The following PRORP variants were observed in gnomAD, a reference collection of about 807,000 sequenced individuals.
PRORP encodes protein only RNase P catalytic subunit.
PRORP carries 51 observed loss-of-function variants against 59.4 expected under a neutral mutation model. The observed-to-expected ratio is 0.86, with a 90% CI of 0.69 to 1.08. The LOEUF is 1.08. Among genes scored for constraint, PRORP ranks in the 50% least tolerant of loss-of-function variants. The probability of loss-of-function intolerance (pLI) is 0.00; values close to 1 mark genes in which losing one functional copy is unlikely to be tolerated. For missense variants in PRORP, 646 were observed against 690.3 expected (o/e 0.94, Z 0.72); for synonymous variants, 231 against 245.6 (o/e 0.94, Z 0.55).
chr14:35,235,727 A>G (rs2050193881), intron 5 of PRORP: 1 of 259,828 alleles, frequency 3.8e-6, no homozygotes, highest in Non-Finnish European at 7.7e-6. Flanking sequence ...TATATGGAGT[A>G]CCTCATTTAA....
chr14:35,271,422 G>A (rs955093486), intron 7 of PRORP, among the ~76,000 whole-genome samples: 17 of 152,118 alleles, frequency 1.1e-4, no homozygotes, highest in Non-Finnish European at 2.4e-4. Context: ...CTCCCAAAGT[G>A]CTGGGATTAC....
chr14:35,148,974 A>G (rs2047677119), intron 4 of PRORP, among the ~76,000 whole-genome samples: 1 of 124,084 alleles, frequency 8.1e-6, no homozygotes, highest in South Asian at 2.6e-4. Flanking sequence ...GTGGGAGTGC[A>G]GTGGCGCAAT....
chr14:35,239,383 C>T (rs1408936577), intron 5 of PRORP, among the ~76,000 whole-genome samples: 1 of 151,608 alleles, frequency 6.6e-6, no homozygotes, highest in East Asian at 1.9e-4. Flanking sequence ...ACACTAAATC[C>T]ACTTCCTATG....
intron 5 of PRORP, among the ~76,000 whole-genome samples, chr14:35,234,126 C>T (rs974738191): frequency 2.6e-5 from 4 of 151,962 alleles, no homozygotes; most frequent in Admixed American, 2.0e-4. Context: ...AATGTGTGCT[C>T]GAAGAGAGTA....
At chr14:35,250,623 C>A (rs1237893255) in intron 5 of PRORP, among the ~76,000 whole-genome samples, 2 of 152,124 alleles carry the variant, frequency 1.3e-5, no homozygotes, top group East Asian at 3.9e-4. Context: ...CCGACTGATT[C>A]ATTAAAGGGA....
At chr14:35,271,512 A>G (rs1400822395) in intron 7 of PRORP, among the ~76,000 whole-genome samples, 2 of 152,072 alleles carry the variant, frequency 1.3e-5, no homozygotes, top group Admixed American at 6.6e-5. Context: ...CAATAGCTCA[A>G]ATTCTTTATT....
chr14:35,273,644 T>A lies in PRORP; in HGVS notation c.*78T>A. On this transcript the variant is annotated 3_prime_UTR_variant, in exon 8 of 8. Coordinates refer to ENST00000534898, the MANE Select transcript of PRORP (RefSeq NM_014672.4). ...CAGAGGCTCTTGAGCTGGTGTTTGT[T>A]TAGGGCATTGCCTCTGTCCTGAAGA... 3.0e-6 allele frequency: 4 copies of A among 1,353,368 alleles called. No homozygotes were observed. In the South Asian group the frequency reaches 5.8e-5, roughly 20 times the overall value. The allele number at this position is 1,353,368 out of a possible 1,614,324, so 83.8% of individuals were successfully genotyped here. A position where few individuals can be genotyped will look rare whatever the true frequency, so the allele number is the denominator to read the frequency against.
chr14:35,241,954 A>G (rs146058980), intron 5 of PRORP, among the ~76,000 whole-genome samples: 5 of 152,000 alleles, frequency 3.3e-5, no homozygotes, highest in African/African-American at 1.2e-4. Context: ...GACACCTTTT[A>G]TTTACTCCCA....
chr14:35,266,694 G>C (rs1566537978), intron 5 of PRORP, 33 bp from the exon 6 acceptor site: 1 of 1,609,224 alleles, frequency 6.2e-7, no homozygotes, highest in African/African-American at 1.3e-5. Context: ...GTCTTCCCTT[G>C]AACTTTTGTG....
intron 5 of PRORP, among the ~76,000 whole-genome samples, chr14:35,236,595 T>C (rs1370949826): frequency 6.6e-6 from 1 of 152,260 alleles, no homozygotes; most frequent in Non-Finnish European, 1.5e-5. Context: ...TAATACTTTA[T>C]AGATTCCTTT....
chr14:35,180,494 A>G (rs1350871473), intron 4 of PRORP, among the ~76,000 whole-genome samples, 176 bp from the exon 5 acceptor site: 1 of 148,536 alleles, frequency 6.7e-6, no homozygotes, highest in Non-Finnish European at 1.5e-5. Flanking sequence ...CATCCATTAG[A>G]CTGGCTTTTT....
chr14:35,154,996 G>T (rs2047876795), intron 4 of PRORP, among the ~76,000 whole-genome samples: 1 of 152,128 alleles, frequency 6.6e-6, no homozygotes, highest in Non-Finnish European at 1.5e-5. Flanking sequence ...CCGGGCTCAG[G>T]TGATCATCCC....
At chr14:35,193,986 AT>A (rs907284394) in intron 5 of PRORP, among the ~76,000 whole-genome samples, 6 of 151,482 alleles carry the variant, frequency 4.0e-5, no homozygotes, top group Admixed American at 2.6e-4. Context: ...TGTTTGAGGA[AT>A]TTTTTTTTCT....
intron 7 of PRORP, among the ~76,000 whole-genome samples, chr14:35,271,074 A>G (rs963588881): frequency 2.6e-5 from 4 of 151,016 alleles, no homozygotes; most frequent in African/African-American, 9.7e-5. Context: ...GCGACAGAGC[A>G]AGACTCCGTC....
At chr14:35,231,662 G>T (rs754452689) in intron 5 of PRORP, among the ~76,000 whole-genome samples, 1 of 152,086 alleles carries the variant, frequency 6.6e-6, no homozygotes. Context: ...AGATAGAGGC[G>T]CCAACTCTCT....
rs550233894 is a variant in PRORP at position 35,149,211 on chromosome 14, G to A, written c.1167+21600G>A. ...TGGGATTACAAGCGTGAGCCACCGC[G>A]CCCGGCCTAATTTTTTTTTTTAATA... is the stretch of plus-strand genomic sequence containing the variant. On this transcript the variant is annotated intron_variant, in intron 4 of 7. Coordinates refer to ENST00000534898, the MANE Select transcript of PRORP (RefSeq NM_014672.4). Among the ~76,000 whole-genome samples, 22 of 151,490 alleles carry A rather than the reference G, an allele frequency of 1.5e-4. No homozygotes were observed. The South Asian group carries it at 3.1e-3, about 22-fold the overall frequency.
In PRORP at chr14:35,182,432, G is replaced by T. The variant is rs182029798; in HGVS notation, c.1275+1655G>T. ...GGCCAAGGCGGGTGGATCACCTGAG[G>T]TCAGGAGTTGAAGACCAGCCTGGCC... On this transcript the variant is annotated intron_variant, in intron 5 of 7. Transcript: ENST00000534898. Among the ~76,000 whole-genome samples the T allele has an allele frequency of 9.9e-4, 151 of 152,042 alleles. 1 individual carries two copies. Among genetic ancestry groups the T allele is most frequent in the African/African-American group, 3.5e-3 (146 of 41,466 alleles).
chr14:35,206,002 T>G (rs1566496640), intron 5 of PRORP, among the ~76,000 whole-genome samples: 1 of 152,196 alleles, frequency 6.6e-6, no homozygotes, highest in Non-Finnish European at 1.5e-5. Flanking sequence ...TCTCAGCTCC[T>G]TGACAACAGG....
chr14:35,250,122 C>T lies in PRORP; in HGVS notation c.1276-16605C>T, dbSNP rs569369352. 3.3e-5 allele frequency among the ~76,000 whole-genome samples: 5 copies of T among 152,126 alleles called. No homozygotes were observed. The South Asian group carries it at 1.0e-3, about 32-fold the overall frequency. ...AAATAGCTGGGCATGGTGGCGCATG[C>T]CTGTGGTCCCAGCTACTCGGGAGGC... is the stretch of plus-strand genomic sequence containing the variant. On this transcript the variant is annotated intron_variant, in intron 5 of 7. Transcript: ENST00000534898.
Sources: allele counts gnomAD v4.1 joint callset (sites outside exome capture counted in the v4.1 genomes callset), GRCh38; gene constraint gnomAD v4.1.1; transcripts MANE v1.5; gene names NCBI Gene and HGNC (gene_info 2026-07-23, HGNC 2026-07-21).